Variants in LRRTM4 observed in about 807,000 individuals in gnomAD.
LRRTM4 encodes leucine rich repeat transmembrane neuronal 4.
LRRTM4 carries 25 observed loss-of-function variants against 47.6 expected under a neutral mutation model. The observed-to-expected ratio is 0.53, with a 90% CI of 0.38 to 0.73. LRRTM4 has a LOEUF of 0.73. Ranked by LOEUF, LRRTM4 falls within the 30% of genes least tolerant of loss-of-function variation. The pLI is 0.00. For missense variants in LRRTM4, 638 were observed against 713.4 expected, an observed-to-expected ratio of 0.89 and a Z score of 1.20; for synonymous variants, 311 against 269.5, an observed-to-expected ratio of 1.15 and a Z score of -1.51.
intron 3 of LRRTM4, among the ~76,000 whole-genome samples, chr2:77,453,979 A>T (rs1262476641): frequency 1.3e-4 from 20 of 152,192 alleles, no homozygotes; most frequent in Admixed American, 1.2e-3. Context: ...TACCTCTCAG[A>T]TGTCAATTCG....
intron 3 of LRRTM4, among the ~76,000 whole-genome samples, chr2:76,859,508 C>T (rs1221396848): frequency 6.6e-6 from 1 of 152,058 alleles, no homozygotes; most frequent in African/African-American, 2.4e-5. Context: ...AAGCCAAGAG[C>T]TGGTTAATAG....
At position 76,883,664 on chromosome 2, in the gene LRRTM4, G is replaced by C. The variant is rs575233174; in HGVS notation, c.1552-134748C>G. 2.6e-5 allele frequency among the ~76,000 whole-genome samples: 4 copies of C among 152,042 alleles called. No individual in the cohort carries two copies. In the South Asian group the frequency reaches 8.3e-4, roughly 32 times the overall value. Reference sequence around the variant, plus strand: ...CTTCCCCTGACCCCCACTGTTTCTCGCAAATCCCCATCTCAGGAATTAGAA... The same window carrying C: ...CTTCCCCTGACCCCCACTGTTTCTCCCAAATCCCCATCTCAGGAATTAGAA... On this transcript the variant is annotated intron_variant, in intron 3 of 3. Coordinates refer to ENST00000409884, the MANE Select transcript of LRRTM4 (RefSeq NM_001134745.3).
At chr2:76,988,870 T>C (rs1676903541) in intron 3 of LRRTM4, among the ~76,000 whole-genome samples, 1 of 151,656 alleles carries the variant, frequency 6.6e-6, no homozygotes, top group African/African-American at 2.4e-5. Context: ...GGCAGTGGTA[T>C]GAGGGAACTG....
intron 3 of LRRTM4, among the ~76,000 whole-genome samples, chr2:76,845,990 T>C (rs951168852): frequency 1.3e-5 from 2 of 152,020 alleles, no homozygotes; most frequent in Non-Finnish European, 2.9e-5. Flanking sequence ...TTCAACCCAA[T>C]GCAGATGGAA....
intron 3 of LRRTM4, among the ~76,000 whole-genome samples, chr2:77,160,687 G>C (rs536710314): frequency 6.6e-6 from 1 of 152,036 alleles, no homozygotes; most frequent in Non-Finnish European, 1.5e-5. Context: ...GAGTAGTCTT[G>C]ATCATAGACC....
chr2:76,776,496 C>G (rs1308476291), intron 3 of LRRTM4, among the ~76,000 whole-genome samples: 1 of 150,032 alleles, frequency 6.7e-6, no homozygotes, highest in African/African-American at 2.5e-5. Flanking sequence ...ATTTGCATTT[C>G]TCTGATGGCC....
intron 3 of LRRTM4, among the ~76,000 whole-genome samples, chr2:77,211,223 TTACC>T (rs1674283985): frequency 6.6e-6 from 1 of 152,176 alleles, no homozygotes; most frequent in African/African-American, 2.4e-5. Context: ...GAAACTATTA[TTACC>T]AGAAACTAGT....
chr2:77,319,373 G>A (rs1266739292), intron 3 of LRRTM4, among the ~76,000 whole-genome samples: 1 of 151,394 alleles, frequency 6.6e-6, no homozygotes, highest in Non-Finnish European at 1.5e-5. Context: ...GGCTACAAGA[G>A]CGAAACTCCA....
At chr2:77,279,658 T>C (rs1676456129) in intron 3 of LRRTM4, among the ~76,000 whole-genome samples, 1 of 151,928 alleles carries the variant, frequency 6.6e-6, no homozygotes, top group Non-Finnish European at 1.5e-5. Flanking sequence ...AGTCTATTTT[T>C]AAATTGCTAT....
At chr2:77,501,999 C>T (rs1162042305) in intron 3 of LRRTM4, among the ~76,000 whole-genome samples, 1 of 151,278 alleles carries the variant, frequency 6.6e-6, no homozygotes, top group Admixed American at 6.6e-5. Flanking sequence ...AATTGTTAAT[C>T]ATTAAGTGTA....
chr2:77,048,682 G>T (rs1199572143), intron 3 of LRRTM4, among the ~76,000 whole-genome samples: 1 of 151,712 alleles, frequency 6.6e-6, no homozygotes, highest in East Asian at 1.9e-4. Context: ...GGCATAGTGT[G>T]ATATTTTGAT....
At chr2:76,917,895 C>G (rs937956343) in intron 3 of LRRTM4, among the ~76,000 whole-genome samples, 3 of 152,036 alleles carry the variant, frequency 2.0e-5, no homozygotes, top group African/African-American at 7.2e-5. Context: ...ACTAGTGTTT[C>G]CTATCCCTCT....
At chr2:77,192,267 A>T (rs965997337) in intron 3 of LRRTM4, among the ~76,000 whole-genome samples, 1 of 152,080 alleles carries the variant, frequency 6.6e-6, no homozygotes, top group Non-Finnish European at 1.5e-5. Flanking sequence ...TTGAATCAAG[A>T]TTTTTGCTAT....
At chr2:76,791,067 G>A (rs1205637023) in intron 3 of LRRTM4, among the ~76,000 whole-genome samples, 2 of 152,138 alleles carry the variant, frequency 1.3e-5, no homozygotes, top group Admixed American at 1.3e-4. Flanking sequence ...AACACTGGCT[G>A]TTACTTTGAT....
intron 3 of LRRTM4, among the ~76,000 whole-genome samples, chr2:77,406,953 C>A (rs972921465): frequency 3.9e-5 from 6 of 152,138 alleles, no homozygotes; most frequent in Non-Finnish European, 8.8e-5. Flanking sequence ...GAATTTAATT[C>A]TCTTTCAGGA....
intron 3 of LRRTM4, among the ~76,000 whole-genome samples, chr2:77,419,373 A>G (rs900763257): frequency 2.6e-5 from 4 of 152,218 alleles, no homozygotes; most frequent in Admixed American, 6.5e-5. Context: ...AACTTCTCAC[A>G]GATACTAAAA....
At chr2:76,953,630 A>T (rs1444875935) in intron 3 of LRRTM4, among the ~76,000 whole-genome samples, 1 of 151,900 alleles carries the variant, frequency 6.6e-6, no homozygotes, top group Admixed American at 6.6e-5. Flanking sequence ...CAGAGATCAA[A>T]AGAGAGTTCA....
At chr2:77,373,255 T>C (rs1051837850) in intron 3 of LRRTM4, among the ~76,000 whole-genome samples, 20 of 151,218 alleles carry the variant, frequency 1.3e-4, no homozygotes, top group African/African-American at 4.4e-4. Context: ...TTTTATAAAC[T>C]AAATGGGTAA....
intron 3 of LRRTM4, among the ~76,000 whole-genome samples, chr2:77,260,555 A>G (rs1675893903): frequency 1.3e-5 from 2 of 152,104 alleles, no homozygotes; most frequent in Admixed American, 6.6e-5. Context: ...AACTACCACA[A>G]CATTATGAAA....
Sources: allele counts gnomAD v4.1 joint callset (sites outside exome capture counted in the v4.1 genomes callset), GRCh38; gene constraint gnomAD v4.1.1; transcripts MANE v1.5; gene names NCBI Gene and HGNC (gene_info 2026-07-23, HGNC 2026-07-21).